Variants in SIAH3 observed in about 807,000 individuals in gnomAD.
The protein encoded by SIAH3 is seven in absentia homolog 3.
SIAH3 carries 9 observed loss-of-function variants against 12.6 expected under a neutral mutation model. The observed-to-expected ratio is 0.72, with a 90% CI of 0.43 to 1.25. SIAH3 has a LOEUF of 1.25. SIAH3 is among the 50% of genes most tolerant of loss of function. The probability of loss-of-function intolerance (pLI) is 0.00; values close to 1 mark genes in which losing one functional copy is unlikely to be tolerated. For synonymous variants in SIAH3, 154 were observed against 151.1 expected, an observed-to-expected ratio of 1.02 and a Z score of -0.14; for missense variants, 390 against 365.4, an observed-to-expected ratio of 1.07 and a Z score of -0.55.
chr13:45,845,799 C>T (rs1467228791), intron 1 of SIAH3, among the ~76,000 whole-genome samples: 1 of 151,978 alleles, frequency 6.6e-6, no homozygotes, highest in Non-Finnish European at 1.5e-5. Context: ...AAAATTATGG[C>T]CCAAACTCAT....
chr13:45,837,427 A>G (rs1412037578), intron 1 of SIAH3, among the ~76,000 whole-genome samples: 1 of 152,088 alleles, frequency 6.6e-6, no homozygotes, highest in Non-Finnish European at 1.5e-5. Flanking sequence ...CCTTATTTAA[A>G]TTTGAAAAAG....
intron 1 of SIAH3, among the ~76,000 whole-genome samples, chr13:45,796,536 C>T (rs1376301242): frequency 1.3e-5 from 2 of 152,216 alleles, no homozygotes; most frequent in African/African-American, 2.4e-5. Flanking sequence ...AGAGTCATGG[C>T]TGACACTCCC....
In SIAH3 at chr13:45,783,418, C is replaced by T. The variant is rs771136468; in HGVS notation, c.775G>A (p.Ala259Thr). 1.9e-6 allele frequency: 3 copies of T among 1,613,490 alleles called. No homozygotes were observed. The highest frequency in any genetic ancestry group is 1.3e-5 in the African/African-American group (1 of 75,012). The change falls in exon 2 of 2, where the codon GCG (alanine) becomes ACG (threonine). Residue 259 changes from alanine (A) to threonine (T), a missense_variant. Physicochemically the swap from Ala to Thr is moderately conservative, Grantham distance 58. Coordinates refer to ENST00000400405, the MANE Select transcript of SIAH3 (RefSeq NM_198849.3). Reference sequence around the variant, plus strand: ...GCTTCTGAGGGGAGGACCTCTGTCGCGGTGATGGCAATCCCAATGGCAAGG... The same window carrying T: ...GCTTCTGAGGGGAGGACCTCTGTCGTGGTGATGGCAATCCCAATGGCAAGG... ...GSLAIGIAIT[A>T]TEVLPSEAEM
At chr13:45,794,138 G>C (rs549268232) in intron 1 of SIAH3, among the ~76,000 whole-genome samples, 1 of 150,842 alleles carries the variant, frequency 6.6e-6, no homozygotes, top group Non-Finnish European at 1.5e-5. Flanking sequence ...TGTCACCCAG[G>C]CTGGAGTACA....
chr13:45,846,262 G>A lies in SIAH3; in HGVS notation c.135+5233C>T, dbSNP rs145570772. On this transcript the variant is annotated intron_variant, in intron 1 of 1. Coordinates refer to ENST00000400405, the MANE Select transcript of SIAH3 (RefSeq NM_198849.3). ...CCGCCACCATGCCCAGCTAATTTTC[G>A]TAGTTTTAGTAGAGTGTGGGTTTTA... is the stretch of plus-strand genomic sequence containing the variant. Among the ~76,000 whole-genome samples, 142 of 151,778 alleles carry A rather than the reference G, an allele frequency of 9.4e-4. No individual in the cohort carries two copies. In the East Asian group the frequency reaches 9.9e-3, roughly 11 times the overall value.
chr13:45,784,396 C>CTG (rs1491046197), intron 1 of SIAH3, among the ~76,000 whole-genome samples: 5 of 102,014 alleles, frequency 4.9e-5, no homozygotes, highest in African/African-American at 2.0e-4. Flanking sequence ...ACAAAGACAG[C>CTG]TGTTTTTTTT....
At position 45,796,924 on chromosome 13, in the gene SIAH3, A is replaced by T. The variant is rs372539173; in HGVS notation, c.136-12867T>A. ...AGTAGCTGGGTACATATTTAATAAA[A>T]ATCTTAGGCTTGGGGGGCAGGGATG... is the stretch of plus-strand genomic sequence containing the variant. On this transcript the variant is annotated intron_variant, in intron 1 of 1. Transcript: ENST00000400405. Among the ~76,000 whole-genome samples, 3 of 152,256 alleles carry T rather than the reference A, an allele frequency of 2.0e-5. No individual in the cohort carries two copies. The South Asian group carries it at 6.2e-4, about 32-fold the overall frequency.
intron 1 of SIAH3, among the ~76,000 whole-genome samples, chr13:45,832,797 A>C (rs1404025156): frequency 6.6e-6 from 1 of 152,192 alleles, no homozygotes; most frequent in Admixed American, 6.5e-5. Context: ...CCAGCAATGC[A>C]CAAGTGTTCC....
At chr13:45,795,321 A>G (rs1273774261) in intron 1 of SIAH3, among the ~76,000 whole-genome samples, 2 of 152,192 alleles carry the variant, frequency 1.3e-5, no homozygotes, top group African/African-American at 4.8e-5. Context: ...TGTTTATGTG[A>G]ACAGCATCTC....
chr13:45,809,476 T>A (rs1294898714), intron 1 of SIAH3, among the ~76,000 whole-genome samples: 3 of 152,170 alleles, frequency 2.0e-5, no homozygotes, highest in Non-Finnish European at 4.4e-5. Flanking sequence ...TTTGCTACCA[T>A]AAGGAAAGTT....
At chr13:45,823,528 G>A (rs931614754) in intron 1 of SIAH3, among the ~76,000 whole-genome samples, 2 of 152,060 alleles carry the variant, frequency 1.3e-5, no homozygotes, top group East Asian at 1.9e-4. Context: ...GAAATCTACC[G>A]TTGATATGCC....
intron 1 of SIAH3, among the ~76,000 whole-genome samples, chr13:45,833,017 T>C (rs74074410): frequency 0.022 from 3,291 of 152,278 alleles, 116 homozygotes; most frequent in African/African-American, 0.074. Context: ...AGCATCCCTA[T>C]TGCCAATGAC....
chr13:45,787,178 C>T (rs7335556), intron 1 of SIAH3, among the ~76,000 whole-genome samples: 119,730 of 151,882 alleles, frequency 0.79, 48,146 homozygotes, highest in Non-Finnish European at 0.87. Context: ...TGGGTGAAGA[C>T]GGGTGAATGG....
At chr13:45,792,128 G>T (rs567923563) in intron 1 of SIAH3, among the ~76,000 whole-genome samples, 1 of 152,108 alleles carries the variant, frequency 6.6e-6, no homozygotes, top group Non-Finnish European at 1.5e-5. Context: ...CCTGCAGCCC[G>T]TGCTCTTTCT....
At position 45,851,528 on chromosome 13, in the gene SIAH3, A is replaced by T; in HGVS notation, c.102T>A (p.Leu34=). The change falls in exon 1 of 2, where the codon CTT becomes CTA. Residue 34 remains leucine (L), a synonymous_variant. Coordinates refer to ENST00000400405, the MANE Select transcript of SIAH3 (RefSeq NM_198849.3). ...AKRVFSAAGQ[L]VCVVNPTHNL... ...TGTGTGTGGGGTTGACGACACAGACAAGTTGCCCGGCAGCGGAGAAAACCC... is the reference window on the plus strand; with the variant it reads ...TGTGTGTGGGGTTGACGACACAGACTAGTTGCCCGGCAGCGGAGAAAACCC... The T allele has an allele frequency of 6.2e-7, 1 of 1,614,182 alleles. No individual in the cohort carries two copies. The highest frequency in any genetic ancestry group is 1.3e-5 in the African/African-American group (1 of 75,034).
chr13:45,824,388 G>T (rs956184680), intron 1 of SIAH3, among the ~76,000 whole-genome samples: 1 of 152,148 alleles, frequency 6.6e-6, no homozygotes, highest in Admixed American at 6.5e-5. Flanking sequence ...TGCTGCTGTC[G>T]ATAAAGCTCT....
In SIAH3 at chr13:45,826,538, C is replaced by A. The variant is rs140480615; in HGVS notation, c.135+24957G>T. Reference sequence around the variant, plus strand: ...ATGGATCAATCAATAGCGTTCTCTGCAAGTGCTCCTTGACTCTCCGGGCTT... The same window carrying A: ...ATGGATCAATCAATAGCGTTCTCTGAAAGTGCTCCTTGACTCTCCGGGCTT... On this transcript the variant is annotated intron_variant, in intron 1 of 1. Transcript: ENST00000400405. Among the ~76,000 whole-genome samples the A allele has an allele frequency of 5.7e-3, 865 of 151,786 alleles. 4 individuals carry two copies. Among genetic ancestry groups the A allele is most frequent in the Non-Finnish European group, 9.5e-3 (646 of 67,872 alleles).
intron 1 of SIAH3, among the ~76,000 whole-genome samples, chr13:45,813,834 G>T (rs558107498): frequency 4.0e-5 from 6 of 151,856 alleles, no homozygotes; most frequent in African/African-American, 7.3e-5. Context: ...CCATCATAAG[G>T]GTTCTACCCT....
In SIAH3 at chr13:45,779,206, A is replaced by G. The variant is rs1950495069; in HGVS notation, c.*4177T>C. 6.6e-6 allele frequency: 1 copy of G among 152,152 alleles called. No homozygotes were observed. The highest frequency in any genetic ancestry group is 2.1e-4 in the South Asian group (1 of 4,832). The allele number at this position is 152,152 out of a possible 1,614,324, so 9.4% of individuals were successfully genotyped here. On this transcript the variant is annotated 3_prime_UTR_variant, in exon 2 of 2. Transcript: ENST00000400405. ...CCCCAGGAGCATAGAGAATAAAAAG[A>G]GTAGTGAAATAATTAGGAAGTGATG...
Sources: allele counts gnomAD v4.1 joint callset (sites outside exome capture counted in the v4.1 genomes callset), GRCh38; gene constraint gnomAD v4.1.1; transcripts MANE v1.5; gene names NCBI Gene and HGNC (gene_info 2026-07-23, HGNC 2026-07-21).